IQCM: variants seen among roughly 807,000 people sequenced by gnomAD.
IQCM encodes the protein IQ motif containing M, also known as IQ domain-containing protein M.
A neutral mutation model predicts 57.6 loss-of-function variants in IQCM; 45 were observed. The observed-to-expected ratio is 0.78, with a 90% CI of 0.62 to 1.00. The LOEUF (loss-of-function observed/expected upper bound fraction) is 1.00, where lower values mean the gene tolerates loss of function less well. Among genes scored for constraint, IQCM ranks in the 50% least tolerant of loss-of-function variants. IQCM has a pLI of 0.00. For synonymous variants in IQCM, 148 were observed against 158.9 expected (o/e 0.93, Z 0.51); for missense variants, 468 against 511.6 (o/e 0.91, Z 0.82).
intron 5 of IQCM, among the ~76,000 whole-genome samples, chr4:149,700,186 A>G (rs187167546): frequency 3.5e-4 from 53 of 152,212 alleles, no homozygotes; most frequent in Non-Finnish European, 6.2e-4. Context: ...ATATAGGCAT[A>G]CACAAAGATT....
chr4:149,446,401 A>G (rs900961817), intron 12 of IQCM, among the ~76,000 whole-genome samples: 6 of 151,774 alleles, frequency 4.0e-5, no homozygotes, highest in Non-Finnish European at 8.9e-5. Flanking sequence ...TACTGGCTCA[A>G]ATATGAATAA....
intron 13 of IQCM, among the ~76,000 whole-genome samples, chr4:149,374,048 C>T (rs1001616856): frequency 1.3e-5 from 2 of 152,128 alleles, no homozygotes; most frequent in Admixed American, 1.3e-4. Context: ...GCAGCAGCAG[C>T]GGCAGCAGCA....
At chr4:149,800,327 G>T (rs981969431) in intron 2 of IQCM, among the ~76,000 whole-genome samples, 39 of 151,912 alleles carry the variant, frequency 2.6e-4, no homozygotes, top group African/African-American at 8.2e-4. Context: ...TGCAAAAAAT[G>T]TGTATAGAAG....
At chr4:149,795,378 G>A (rs760294324) in intron 2 of IQCM, among the ~76,000 whole-genome samples, 15 of 152,120 alleles carry the variant, frequency 9.9e-5, no homozygotes, top group Non-Finnish European at 2.1e-4. Flanking sequence ...AACAGCCGCC[G>A]AAAGAGGGAG....
chr4:149,445,577 C>G (rs564009272), intron 12 of IQCM, among the ~76,000 whole-genome samples: 96 of 151,816 alleles, frequency 6.3e-4, no homozygotes, highest in African/African-American at 2.3e-3. Context: ...TACAGAGAAG[C>G]AATTTAATCA....
rs138416050 is a variant in IQCM, at chr4:149,479,648, A to C, written c.1229-46091T>G. Among the ~76,000 whole-genome samples, 415 of 152,302 alleles carry C rather than the reference A, an allele frequency of 2.7e-3. 1 individual carries two copies. The highest frequency in any genetic ancestry group is 5.9e-3 in the Admixed American group (90 of 15,300). On this transcript the variant is annotated intron_variant, in intron 12 of 13. Transcript: ENST00000636793. The stretch of plus-strand genomic sequence containing the variant: ...TTTTCTTTCCTTCCCTTTCTGAACA[A>C]GTCAGATCTAAAGCCATTAGGTGAA...
intron 8 of IQCM, among the ~76,000 whole-genome samples, chr4:149,594,372 G>T (rs183130682): frequency 6.6e-6 from 1 of 151,782 alleles, no homozygotes; most frequent in Non-Finnish European, 1.5e-5. Flanking sequence ...TCTTGCTAGC[G>T]GTCTATCAAT....
chr4:149,636,003 T>C (rs1056507886), intron 7 of IQCM, among the ~76,000 whole-genome samples: 2 of 152,166 alleles, frequency 1.3e-5, no homozygotes, highest in African/African-American at 2.4e-5. Context: ...AGAAATATCA[T>C]TTAAAAATCT....
At chr4:149,436,041 A>C (rs763704824) in intron 12 of IQCM, among the ~76,000 whole-genome samples, 4 of 152,114 alleles carry the variant, frequency 2.6e-5, no homozygotes, top group Non-Finnish European at 5.9e-5. Context: ...TTCAGTGTTT[A>C]TAAAGTCTAC....
chr4:149,627,925 G>A (rs918783740), intron 7 of IQCM, among the ~76,000 whole-genome samples: 8 of 152,240 alleles, frequency 5.3e-5, no homozygotes, highest in Non-Finnish European at 8.8e-5. Flanking sequence ...GGAGTGATGT[G>A]AAAAAGGGCT....
chr4:149,514,410 A>G (rs192771437), intron 12 of IQCM: 2 of 152,370 alleles, frequency 1.3e-5, no homozygotes, highest in Admixed American at 1.3e-4. Flanking sequence ...ATCACATACT[A>G]AAATACTTTG....
intron 8 of IQCM, among the ~76,000 whole-genome samples, chr4:149,597,570 T>C (rs2654832): frequency 0.21 from 32,524 of 151,980 alleles, 4,358 homozygotes; most frequent in Non-Finnish European, 0.29. Flanking sequence ...TTTGTATTTT[T>C]AGTAGAGATG....
intron 7 of IQCM, among the ~76,000 whole-genome samples, chr4:149,653,947 T>A (rs1177193337): frequency 1.3e-5 from 2 of 152,104 alleles, no homozygotes; most frequent in African/African-American, 2.4e-5. Context: ...TAAAAGTGGA[T>A]ACACATATAT....
intron 7 of IQCM, among the ~76,000 whole-genome samples, chr4:149,622,247 CAA>C (rs2150075318): frequency 6.6e-6 from 1 of 152,112 alleles, no homozygotes; most frequent in South Asian, 2.1e-4. Context: ...CCATTTCAGT[CAA>C]GAGTCTCTGC....
At chr4:149,801,762 G>T (rs1773624338) in intron 2 of IQCM, among the ~76,000 whole-genome samples, 1 of 151,944 alleles carries the variant, frequency 6.6e-6, no homozygotes. Context: ...TGGAGGACTG[G>T]AGGGAAGGTG....
intron 2 of IQCM, among the ~76,000 whole-genome samples, chr4:149,789,679 TGG>T (rs1407880392): frequency 6.6e-6 from 1 of 151,982 alleles, no homozygotes; most frequent in Non-Finnish European, 1.5e-5. Flanking sequence ...GCTAAGGAGT[TGG>T]GAGGATTGTT....
chr4:149,812,478 T>TCA (rs1472319523), intron 2 of IQCM, among the ~76,000 whole-genome samples: 14 of 141,642 alleles, frequency 9.9e-5, no homozygotes, highest in South Asian at 4.6e-4. Context: ...TCTCTCTCTC[T>TCA]CTCACACACA....
At chr4:149,795,407 C>T (rs1773021594) in intron 2 of IQCM, among the ~76,000 whole-genome samples, 1 of 152,128 alleles carries the variant, frequency 6.6e-6, no homozygotes, top group Admixed American at 6.5e-5. Flanking sequence ...CCAGCCCTAG[C>T]CAGAGGGGAA....
chr4:149,491,547 A>G (rs1742097314), intron 12 of IQCM, among the ~76,000 whole-genome samples: 1 of 152,054 alleles, frequency 6.6e-6, no homozygotes, highest in African/African-American at 2.4e-5. Context: ...TCCACTTAAC[A>G]TGTTTTCCAG....
Sources: allele counts gnomAD v4.1 joint callset (sites outside exome capture counted in the v4.1 genomes callset), GRCh38; gene constraint gnomAD v4.1.1; transcripts MANE v1.5; gene names NCBI Gene and HGNC (gene_info 2026-07-23, HGNC 2026-07-21).